GRIN2B: variants seen among roughly 807,000 people sequenced by gnomAD.
GRIN2B encodes glutamate receptor ionotropic, NMDA 2B.
In GRIN2B, 5 loss-of-function variants were observed where a neutral mutation model predicts 114.5. The ratio of observed to expected loss-of-function variants is 0.04; its 90% CI spans 0.02 to 0.09. The LOEUF is 0.09. Among genes scored for constraint, GRIN2B ranks in the 10% least tolerant of loss-of-function variants. The pLI is 1.00. For synonymous variants in GRIN2B, 787 were observed against 745.1 expected, an observed-to-expected ratio of 1.06 and a Z score of -0.92; for missense variants, 1,108 against 1,943.5, an observed-to-expected ratio of 0.57 and a Z score of 8.08.
intron 10 of GRIN2B, among the ~76,000 whole-genome samples, chr12:13,593,836 AAAC>A (rs1949039474): frequency 6.6e-6 from 1 of 152,212 alleles, no homozygotes; most frequent in Admixed American, 6.5e-5. Context: ...ACAAGAAAAC[AAAC>A]AACACCATCA....
chr12:13,577,332 G>A (rs1459990852), intron 10 of GRIN2B, among the ~76,000 whole-genome samples: 2 of 152,222 alleles, frequency 1.3e-5, no homozygotes, highest in Non-Finnish European at 2.9e-5. Context: ...CTCCTGGAGA[G>A]CAGCAGGGAA....
chr12:13,956,218 G>A (rs538834595), intron 2 of GRIN2B, among the ~76,000 whole-genome samples: 2 of 152,176 alleles, frequency 1.3e-5, no homozygotes, highest in Non-Finnish European at 2.9e-5. Context: ...AGCTGGAGCA[G>A]AAAGAGGAGG....
chr12:13,605,551 T>TCTCTCTCTCTCA, intron 10 of GRIN2B, among the ~76,000 whole-genome samples: 1 of 30,500 alleles, frequency 3.3e-5, no homozygotes, highest in African/African-American at 1.0e-4. Flanking sequence ...TCTCTCTCTC[T>TCTCTCTCTCTCA]GACACACACA....
At chr12:13,620,946 C>A (rs1419171257) in intron 5 of GRIN2B, among the ~76,000 whole-genome samples, 4 of 68,176 alleles carry the variant, frequency 5.9e-5, no homozygotes, top group African/African-American at 1.5e-4. Context: ...AAAGGTGAAA[C>A]TTTTTTGAAA....
chr12:13,637,303 TC>T (rs747974931), intron 5 of GRIN2B, among the ~76,000 whole-genome samples: 2 of 152,184 alleles, frequency 1.3e-5, no homozygotes, highest in Non-Finnish European at 2.9e-5. Flanking sequence ...AACTGATGTT[TC>T]AGTGGAAACC....
At chr12:13,814,822 C>T (rs915842098) in intron 3 of GRIN2B, among the ~76,000 whole-genome samples, 2 of 152,126 alleles carry the variant, frequency 1.3e-5, no homozygotes, top group Admixed American at 6.5e-5. Flanking sequence ...TAAATAGCCA[C>T]ATTTGGCTAG....
At chr12:13,960,849 C>A (rs1319204921) in intron 2 of GRIN2B, among the ~76,000 whole-genome samples, 1 of 152,146 alleles carries the variant, frequency 6.6e-6, no homozygotes, top group Non-Finnish European at 1.5e-5. Context: ...AAGCATCCAG[C>A]AAACAAAAGA....
intron 5 of GRIN2B, among the ~76,000 whole-genome samples, chr12:13,629,329 GA>G (rs1235625618): frequency 6.6e-6 from 1 of 152,170 alleles, no homozygotes; most frequent in Non-Finnish European, 1.5e-5. Context: ...ATCTCTCACG[GA>G]AATGCTTTTC....
intron 4 of GRIN2B, among the ~76,000 whole-genome samples, chr12:13,680,071 T>G (rs889211462): frequency 1.3e-5 from 2 of 152,146 alleles, no homozygotes; most frequent in Non-Finnish European, 1.5e-5. Flanking sequence ...GATAACCACA[T>G]TTTAACAAGA....
intron 2 of GRIN2B, among the ~76,000 whole-genome samples, chr12:13,956,954 A>G (rs1292818203): frequency 1.3e-5 from 2 of 152,192 alleles, no homozygotes. Context: ...AACAGACTCA[A>G]TTTATCTAGG....
chr12:13,621,613 G>GT lies in GRIN2B; in HGVS notation c.1126-4957dup, dbSNP rs869106790. Among the ~76,000 whole-genome samples, 558 of 72,314 alleles carry GT rather than the reference G, an allele frequency of 7.7e-3. 47 individuals carry two copies. The highest frequency in any genetic ancestry group is 0.025 in the African/African-American group (455 of 17,938). The allele number at this position is 72,314 out of a possible 152,430, so 47.4% of individuals were successfully genotyped here. A position where few individuals can be genotyped will look rare whatever the true frequency, so the allele number is the denominator to read the frequency against. ...AGAAAAAAAAAATTGCCTAGTTTTT[G>GT]TTTTTTTTTTTTTTTTTTTTTTTTT... On this transcript the variant is annotated intron_variant, in intron 5 of 13. Transcript: ENST00000609686.
intron 3 of GRIN2B, among the ~76,000 whole-genome samples, chr12:13,842,447 C>T (rs555433471): frequency 3.7e-4 from 56 of 151,712 alleles, no homozygotes; most frequent in African/African-American, 1.3e-3. Context: ...ATCTTGGTTG[C>T]TCAAATTCAA....
At chr12:13,745,472 GC>G (rs1371411353) in intron 4 of GRIN2B, among the ~76,000 whole-genome samples, 1 of 152,196 alleles carries the variant, frequency 6.6e-6, no homozygotes, top group African/African-American at 2.4e-5. Context: ...CTGGCTGCCT[GC>G]CAGCCTGCCC....
chr12:13,823,289 T>C lies in GRIN2B; in HGVS notation c.411+42509A>G, dbSNP rs1864971366. ...GTTGAAATCTTAAAATACTGATTCT[T>C]TTGATCCATAAGCACAGTATAGCTT... is the stretch of plus-strand genomic sequence containing the variant. On this transcript the variant is annotated intron_variant, in intron 3 of 13. Transcript: ENST00000609686. Among the ~76,000 whole-genome samples the C allele has an allele frequency of 2.0e-5, 3 of 152,204 alleles. No individual in the cohort carries two copies. In the South Asian group the frequency reaches 6.2e-4, roughly 32 times the overall value.
chr12:13,884,245 T>C (rs1469343890), intron 2 of GRIN2B, among the ~76,000 whole-genome samples: 1 of 140,590 alleles, frequency 7.1e-6, no homozygotes, highest in Non-Finnish European at 1.6e-5. Context: ...TAGAATCAGC[T>C]GTTAATTCCT....
chr12:13,757,090 G>A (rs185473470), intron 3 of GRIN2B, among the ~76,000 whole-genome samples: 130 of 152,202 alleles, frequency 8.5e-4, no homozygotes, highest in Middle Eastern at 6.8e-3. Context: ...CCTCTGCTCC[G>A]ATTGATGCCC....
chr12:13,607,798 G>C (rs530305021), intron 10 of GRIN2B, among the ~76,000 whole-genome samples: 2 of 151,544 alleles, frequency 1.3e-5, no homozygotes, highest in South Asian at 2.1e-4. Context: ...TGTTGTAAGC[G>C]CAAGTCTCCA....
chr12:13,931,559 C>T (rs149859443), intron 2 of GRIN2B, among the ~76,000 whole-genome samples: 140 of 152,202 alleles, frequency 9.2e-4, no homozygotes, highest in East Asian at 2.9e-3. Flanking sequence ...ATATCCATGG[C>T]GTTAAATACC....
chr12:13,904,994 G>T (rs896746650), intron 2 of GRIN2B, among the ~76,000 whole-genome samples: 3 of 152,082 alleles, frequency 2.0e-5, no homozygotes, highest in African/African-American at 7.2e-5. Context: ...TTTTGAATCT[G>T]TAGATTTGAC....
Sources: allele counts gnomAD v4.1 joint callset (sites outside exome capture counted in the v4.1 genomes callset), GRCh38; gene constraint gnomAD v4.1.1; transcripts MANE v1.5; gene names NCBI Gene and HGNC (gene_info 2026-07-23, HGNC 2026-07-21).